The following NT5DC4 variants were observed in gnomAD, a reference collection of about 807,000 sequenced individuals.
The protein encoded by NT5DC4 is 5'-nucleotidase domain-containing protein 4.
In NT5DC4, 44 loss-of-function variants were observed where a neutral mutation model predicts 26.6. The observed-to-expected ratio is 1.65, with a 90% CI of 1.30 to 2.13. NT5DC4 has a LOEUF of 2.13. NT5DC4 is among the 30% of genes most tolerant of loss of function. NT5DC4 has a pLI of 0.00. For synonymous variants in NT5DC4, 157 were observed against 86.7 expected, an observed-to-expected ratio of 1.81 and a Z score of -4.51; for missense variants, 399 against 228.1, an observed-to-expected ratio of 1.75 and a Z score of -4.83.
downstream of NT5DC4, among the ~76,000 whole-genome samples, chr2:112,741,403 A>C (rs183798171): frequency 9.2e-5 from 14 of 152,206 alleles, no homozygotes; most frequent in Admixed American, 7.2e-4. Flanking sequence ...ACAACCTCCC[A>C]ATCCCATTCC....
rs1057502023 is a variant in NT5DC4 at position 112,724,792 on chromosome 2, G to A, written c.801G>A (p.Ser267=). Residue 267 remains serine (S), a synonymous_variant, in exon 11 of 17, where the codon TCG becomes TCA. Coordinates refer to ENST00000688554, the MANE Select transcript of NT5DC4 (RefSeq NM_001393655.1). The part of the protein sequence containing the change: ...YLFSISEAEA[S]GRPWRSYFDL... ...TGCACCCCCAACAGGCTGAAGCCTC[G>A]GGCAGGCCCTGGAGGTCCTACTTTG... The A allele has an allele frequency of 7.0e-6, 5 of 716,916 alleles. No individual in the cohort carries two copies. The highest frequency in any genetic ancestry group is 3.5e-5 in the African/African-American group (2 of 57,180). 44.4% of individuals were successfully genotyped at this position (716,916 alleles called of 1,614,324 possible).
intron 16 of NT5DC4, chr2:112,731,596 A>G (rs1232118255): frequency 1.3e-5 from 2 of 152,166 alleles, no homozygotes; most frequent in Non-Finnish European, 2.9e-5. Context: ...AACACATAAA[A>G]AGTCATACTC....
At chr2:112,724,293 G>T in intron 10 of NT5DC4, 167 bp downstream of exon 10, 1 of 647,880 alleles carries the variant, frequency 1.5e-6, no homozygotes, top group Admixed American at 2.1e-5. Flanking sequence ...CCAGTGGGTA[G>T]GAGCCTGGTG....
At chr2:112,720,083 T>C (rs1358919836), upstream of NT5DC4, among the ~76,000 whole-genome samples, 1 of 148,994 alleles carries the variant, frequency 6.7e-6, no homozygotes, top group Non-Finnish European at 1.5e-5. Context: ...TCTCACTCTG[T>C]TGCCCAGCCT....
Position 112,722,589 on chromosome 2 carries a change from G to A in NT5DC4, c.469G>A (p.Glu157Lys), listed in dbSNP as rs921464549. The A allele has an allele frequency of 8.4e-6, 6 of 717,350 alleles. No individual in the cohort carries two copies. The African/African-American group carries it at 8.7e-5, about 10-fold the overall frequency. 44.4% of individuals were successfully genotyped at this position (717,350 alleles called of 1,614,324 possible). The change falls in exon 5 of 17, where the codon GAA becomes AAA. Residue 157 changes from glutamate (E) to lysine (K), a missense_variant and splice_region_variant. Transcript: ENST00000688554. ...ACTCAACATGCTCTTCAACCTGCCT[G>A]GTGGGTGGAGGGTTGGGGGCACGGG... ...YILNMLFNLPETYLYACLVDF... is the reference protein window; with the variant it reads ...YILNMLFNLPKTYLYACLVDF...
downstream of NT5DC4, chr2:112,741,039 A>G: frequency 1.4e-6 from 2 of 1,423,406 alleles, no homozygotes; most frequent in Non-Finnish European, 2.0e-6. Context: ...GGAAAGTAAG[A>G]TTTACCAATT....
At chr2:112,728,179 C>T (rs944492056) in intron 15 of NT5DC4, among the ~76,000 whole-genome samples, 9 of 152,308 alleles carry the variant, frequency 5.9e-5, no homozygotes, top group Admixed American at 5.2e-4. Context: ...TAAGATGCCT[C>T]GGCAGGGATG....
In NT5DC4 at chr2:112,722,206, A is replaced by G. The variant is rs549791452; in HGVS notation, c.290A>G (p.Tyr97Cys). 38 of 716,764 alleles carry G rather than the reference A, an allele frequency of 5.3e-5. No individual in the cohort carries two copies. Among genetic ancestry groups the G allele is most frequent in the East Asian group, 1.3e-4 (5 of 37,282 alleles). The allele number at this position is 716,764 out of a possible 1,614,324, so 44.4% of individuals were successfully genotyped here. ...AGGCGGCTGGTGTTCGATGAACTCT[A>G]TGGGAACCTGCTGAAGGTGGACGCC... ...PTRRLVFDELYGNLLKVDAHG... is the reference protein window; with the variant it reads ...PTRRLVFDELCGNLLKVDAHG... Residue 97 changes from tyrosine to cysteine, a missense_variant, in exon 4 of 17, where the codon TAT becomes TGT. Tyr to Cys is a radical substitution (Grantham distance 194). Coordinates refer to ENST00000688554, the MANE Select transcript of NT5DC4 (RefSeq NM_001393655.1).
At position 112,729,705 on chromosome 2, in the gene NT5DC4, G is replaced by T. The variant is rs1173678249; in HGVS notation, c.1344+1G>T. 9.8e-6 allele frequency: 7 copies of T among 717,594 alleles called. No individual in the cohort carries two copies. In the Admixed American group the frequency reaches 1.0e-4, roughly 10 times the overall value. The allele number at this position is 717,594 out of a possible 1,614,324, so 44.5% of individuals were successfully genotyped here. A position where few individuals can be genotyped will look rare whatever the true frequency, so the allele number is the denominator to read the frequency against. ...CTGCCTCCTCTCCTGCAACCAGAGGGTGAGTGGCTGTGGCCGACGAACTCT... is the reference window on the plus strand; with the variant it reads ...CTGCCTCCTCTCCTGCAACCAGAGGTTGAGTGGCTGTGGCCGACGAACTCT... On this transcript the variant is annotated splice_donor_variant, in intron 16 of 16. Coordinates refer to ENST00000688554, the MANE Select transcript of NT5DC4 (RefSeq NM_001393655.1). LOFTEE classifies it high-confidence loss of function.
intron 16 of NT5DC4, 174 bp from the exon 17 acceptor site, chr2:112,738,739 C>T (rs1360458163): frequency 1.1e-5 from 10 of 916,246 alleles, no homozygotes; most frequent in East Asian, 7.6e-5. Flanking sequence ...TGATGCCTCT[C>T]TTTTTTTCCA....
chr2:112,718,876 G>A (rs1055806023), upstream of NT5DC4, among the ~76,000 whole-genome samples: 5 of 152,094 alleles, frequency 3.3e-5, no homozygotes, highest in Admixed American at 1.3e-4. Context: ...GTCTATCCAC[G>A]AATCTACCCA....
intron 13 of NT5DC4, among the ~76,000 whole-genome samples, chr2:112,726,006 T>C (rs563137316): frequency 1.3e-5 from 2 of 152,286 alleles, no homozygotes; most frequent in South Asian, 4.1e-4. Flanking sequence ...CATTGCCGTG[T>C]GACCTCAGGA....
At chr2:112,732,220 T>A (rs571451160) in intron 16 of NT5DC4, among the ~76,000 whole-genome samples, 10 of 131,680 alleles carry the variant, frequency 7.6e-5, no homozygotes, top group Non-Finnish European at 1.5e-4. Context: ...ATTTTTTTTT[T>A]TAAAACATCT....
rs575193110 is a variant in NT5DC4 at position 112,725,493 on chromosome 2, G to A, written c.1094G>A (p.Arg365Gln). ...ILKSKKRQGW[R>Q]TCLVVPELSW... ...AAGTCCAAGAAGCGTCAGGGCTGGCGGACTTGCCTGGTGGTTCCTGAGCTG... is the reference window on the plus strand; with the variant it reads ...AAGTCCAAGAAGCGTCAGGGCTGGCAGACTTGCCTGGTGGTTCCTGAGCTG... The change falls in exon 13 of 17, where the codon CGG (arginine) becomes CAG (glutamine). Residue 365 changes from arginine (R) to glutamine (Q), a missense_variant. Transcript: ENST00000688554. 4.2e-6 allele frequency: 3 copies of A among 717,042 alleles called. No homozygotes were observed. The highest frequency in any genetic ancestry group is 1.5e-5 in the South Asian group (1 of 67,552). 44.4% of individuals were successfully genotyped at this position (717,042 alleles called of 1,614,324 possible). A position where few individuals can be genotyped will look rare whatever the true frequency, so the allele number is the denominator to read the frequency against.
At chr2:112,738,034 A>G (rs535409974) in intron 16 of NT5DC4, 2 of 152,316 alleles carry the variant, frequency 1.3e-5, no homozygotes, top group African/African-American at 4.8e-5. Flanking sequence ...AGCAACCTAC[A>G]ACAGTCTCTG....
chr2:112,734,169 A>ATATATGTGTGTGTGTGTGTG lies in NT5DC4; in HGVS notation c.1344+4466_1344+4467insATATGTGTGTGTGTGTGTGT, dbSNP rs150412692. 2.8e-3 allele frequency among the ~76,000 whole-genome samples: 373 copies of ATATATGTGTGTGTGTGTGTG among 134,858 alleles called. 4 individuals are homozygous for ATATATGTGTGTGTGTGTGTG. Among genetic ancestry groups the ATATATGTGTGTGTGTGTGTG allele is most frequent in the Middle Eastern group, 7.2e-3 (2 of 276 alleles). 88.5% of individuals were successfully genotyped at this position (134,858 alleles called of 152,430 possible). On this transcript the variant is annotated intron_variant, in intron 16 of 16. Transcript: ENST00000688554. ...AAGTGTTTTCTATGCTATTATATAT[A>ATATATGTGTGTGTGTGTGTG]TGTGTGTGTGTGTGTGTGTGTGTGT...
At chr2:112,733,844 T>C (rs180687042) in intron 16 of NT5DC4, among the ~76,000 whole-genome samples, 63 of 152,348 alleles carry the variant, frequency 4.1e-4, no homozygotes, top group African/African-American at 1.5e-3. Context: ...TGTGATCATT[T>C]ATTTGTAGAA....
upstream of NT5DC4, among the ~76,000 whole-genome samples, chr2:112,718,949 C>G (rs1478025208): frequency 3.3e-5 from 5 of 152,226 alleles, no homozygotes; most frequent in African/African-American, 1.2e-4. Context: ...TCCTCCATTC[C>G]TCCATCCGAT....
At chr2:112,719,463 G>T (rs943242766), upstream of NT5DC4, among the ~76,000 whole-genome samples, 1 of 147,820 alleles carries the variant, frequency 6.8e-6, no homozygotes, top group Non-Finnish European at 1.5e-5. Context: ...TGCTGAAACC[G>T]ACTGTAAACT....
Sources: gnomAD v4.1 joint callset for allele counts (sites outside exome capture counted in the v4.1 genomes callset) on GRCh38, gnomAD v4.1.1 for gene constraint, MANE v1.5 for transcripts, NCBI Gene and HGNC (gene_info 2026-07-23, HGNC 2026-07-21) for gene names.